NUFIP1: variants seen among roughly 807,000 people sequenced by gnomAD.
The protein encoded by NUFIP1 is nuclear FMR1 interacting protein 1.
A neutral mutation model predicts 56.2 loss-of-function variants in NUFIP1; 38 were observed. That is an observed-to-expected ratio of 0.68 (90% CI 0.52 to 0.89). NUFIP1 has a LOEUF of 0.89. NUFIP1 is among the 40% of genes least tolerant of loss of function. The pLI, the probability that NUFIP1 is intolerant of heterozygous loss-of-function variation, is 0.00. For synonymous variants in NUFIP1, 215 were observed against 212.4 expected (o/e 1.01, Z -0.10); for missense variants, 567 against 605.8 (o/e 0.94, Z 0.67).
chr13:44,949,235 T>C (rs1871000379), intron 8 of NUFIP1, among the ~76,000 whole-genome samples: 1 of 122,736 alleles, frequency 8.1e-6, no homozygotes. Context: ...GGAGTCTCGC[T>C]CTGTCGCCCA....
chr13:44,967,145 TAAAGA>T lies in NUFIP1; in HGVS notation c.735-1214_735-1210del, dbSNP rs577002985. ...GACTATATCTAATTGGAAAAATCCA[TAAAGA>T]AAAGAAATGAAAGAAATTGGTCTTA... On this transcript the variant is annotated intron_variant, in intron 5 of 9. Transcript: ENST00000379161. Among the ~76,000 whole-genome samples, 641 of 151,722 alleles carry T rather than the reference TAAAGA, an allele frequency of 4.2e-3. 3 individuals carry two copies. The highest frequency in any genetic ancestry group is 0.014 in the African/African-American group (590 of 41,396).
chr13:44,966,217 G>A (rs2137910082), intron 5 of NUFIP1, among the ~76,000 whole-genome samples: 1 of 152,228 alleles, frequency 6.6e-6, no homozygotes, highest in Non-Finnish European at 1.5e-5. Flanking sequence ...TGCTCAAACT[G>A]ATTTAATTCA....
chr13:44,988,878 G>C, intron 1 of NUFIP1, 147 bp downstream of exon 1: 1 of 722,654 alleles, frequency 1.4e-6, no homozygotes, highest in Non-Finnish European at 2.2e-6. Context: ...TTGTAGAGAC[G>C]GGGGTCTCAC....
intron 6 of NUFIP1, among the ~76,000 whole-genome samples, chr13:44,965,334 G>A (rs1426101724): frequency 1.3e-5 from 2 of 152,312 alleles, no homozygotes; most frequent in East Asian, 3.9e-4. Flanking sequence ...TCTCGGGTAT[G>A]TCTTTATCAG....
rs180861365 is a variant in NUFIP1 at position 44,987,594 on chromosome 13, T to C, written c.412+1431A>G. On this transcript the variant is annotated intron_variant, in intron 1 of 9. Transcript: ENST00000379161. ...ATGCAACGGAAAACCAAAAAAAAAA[T>C]AATTGTGTGACTTGCTTTACTGCAG... is the stretch of plus-strand genomic sequence containing the variant. Among the ~76,000 whole-genome samples, 194 of 151,782 alleles carry C rather than the reference T, an allele frequency of 1.3e-3. 1 individual carries two copies. The highest frequency in any genetic ancestry group is 3.9e-3 in the Admixed American group (60 of 15,236).
intron 9 of NUFIP1, 72 bp downstream of exon 9, chr13:44,943,369 CA>C: frequency 1.6e-6 from 2 of 1,277,012 alleles, no homozygotes; most frequent in Non-Finnish European, 2.2e-6. Context: ...CACACACACA[CA>C]CACACACCCC....
chr13:44,980,595 G>T, intron 3 of NUFIP1, 127 bp downstream of exon 3: 2 of 703,408 alleles, frequency 2.8e-6, no homozygotes, highest in Non-Finnish European at 4.7e-6. Context: ...TATCTGTCAA[G>T]TTGTCAAACT....
chr13:44,948,814 A>T (rs935431007), intron 8 of NUFIP1, among the ~76,000 whole-genome samples: 2 of 152,242 alleles, frequency 1.3e-5, no homozygotes, highest in Admixed American at 6.5e-5. Context: ...ACCATCCGTA[A>T]CATCATCTTT....
chr13:44,941,914 C>CT (rs200139296), intron 9 of NUFIP1, among the ~76,000 whole-genome samples: 5,270 of 146,830 alleles, frequency 0.036, 127 homozygotes, highest in East Asian at 0.12. Context: ...GTCTGCGATT[C>CT]TTTTTTTTTT....
intron 1 of NUFIP1, among the ~76,000 whole-genome samples, chr13:44,984,917 T>C (rs1366789150): frequency 6.6e-6 from 1 of 152,138 alleles, no homozygotes; most frequent in African/African-American, 2.4e-5. Flanking sequence ...TGTCCATGTG[T>C]TCTCATTGTT....
intron 5 of NUFIP1, among the ~76,000 whole-genome samples, chr13:44,970,099 T>C (rs1871750873): frequency 1.3e-5 from 2 of 152,224 alleles, no homozygotes; most frequent in African/African-American, 2.4e-5. Flanking sequence ...AATGTTCCAC[T>C]GTTTCTATAA....
In NUFIP1 at chr13:44,940,550, T is replaced by C. The variant is rs577220674; in HGVS notation, c.*656A>G. On this transcript the variant is annotated 3_prime_UTR_variant, in exon 10 of 10. Transcript: ENST00000379161. ...ATTATAGGAGACAAAAAGATCTCAATAGCTTTCATTTACTTTACAATTTTT... is the reference window on the plus strand; with the variant it reads ...ATTATAGGAGACAAAAAGATCTCAACAGCTTTCATTTACTTTACAATTTTT... 1.3e-5 allele frequency: 2 copies of C among 152,248 alleles called. No homozygotes were observed. The highest frequency in any genetic ancestry group is 1.3e-4 in the Admixed American group (2 of 15,282). The allele number at this position is 152,248 out of a possible 1,614,324, so 9.4% of individuals were successfully genotyped here. A position where few individuals can be genotyped will look rare whatever the true frequency, so the allele number is the denominator to read the frequency against.
At chr13:44,978,628 G>A (rs1399498264) in intron 5 of NUFIP1, among the ~76,000 whole-genome samples, 6 of 152,232 alleles carry the variant, frequency 3.9e-5, no homozygotes, top group African/African-American at 1.4e-4. Flanking sequence ...TTTAATCATA[G>A]GAATGAATTC....
At chr13:44,953,886 CTT>C (rs1871150994) in intron 7 of NUFIP1, among the ~76,000 whole-genome samples, 1 of 152,188 alleles carries the variant, frequency 6.6e-6, no homozygotes, top group Non-Finnish European at 1.5e-5. Context: ...ATAAACAACT[CTT>C]TCCCTATTTT....
intron 7 of NUFIP1, among the ~76,000 whole-genome samples, chr13:44,953,062 T>C (rs1014750083): frequency 1.1e-4 from 16 of 152,182 alleles, no homozygotes; most frequent in African/African-American, 3.9e-4. Context: ...GTAGGACTTA[T>C]TACTGGCAAT....
chr13:44,963,064 T>TC (rs1475513191), intron 6 of NUFIP1, among the ~76,000 whole-genome samples: 2 of 151,162 alleles, frequency 1.3e-5, no homozygotes, highest in African/African-American at 2.4e-5. Flanking sequence ...CTTATCAATC[T>TC]CCCCCATCCC....
intron 5 of NUFIP1, among the ~76,000 whole-genome samples, chr13:44,970,140 C>T (rs998040435): frequency 7.2e-5 from 11 of 152,222 alleles, no homozygotes; most frequent in Non-Finnish European, 1.2e-4. Context: ...CAAACCTCTA[C>T]CACTCATTTT....
rs951614185 is a variant in NUFIP1, at chr13:44,989,166, G to A, written c.271C>T (p.Pro91Ser). Residue 91 changes from proline (P) to serine (S), a missense_variant, in exon 1 of 10, where the codon CCC (proline) becomes TCC (serine). Transcript: ENST00000379161. The part of the protein sequence containing the change: ...FDAQILPGAQ[P>S]PFDAQSPLDS... Reference sequence around the variant, plus strand: ...AGGGGAGACTGGGCGTCGAAGGGGGGTTGCGCCCCGGGAAGAATCTGGGCG... The same window carrying A: ...AGGGGAGACTGGGCGTCGAAGGGGGATTGCGCCCCGGGAAGAATCTGGGCG... The A allele has an allele frequency of 1.9e-6, 3 of 1,613,380 alleles. No individual in the cohort carries two copies. The highest frequency in any genetic ancestry group is 1.3e-5 in the African/African-American group (1 of 74,880).
In NUFIP1 at chr13:44,949,712, C is replaced by T; in HGVS notation, c.1138+10G>A. On this transcript the variant is annotated intron_variant, in intron 8 of 9. Coordinates refer to ENST00000379161, the MANE Select transcript of NUFIP1 (RefSeq NM_012345.3). ...AACAAAACCCTGTAACAACACACACCATGACTTACCTTCTGGCTCACTCTC... is the reference window on the plus strand; with the variant it reads ...AACAAAACCCTGTAACAACACACACTATGACTTACCTTCTGGCTCACTCTC... The T allele has an allele frequency of 6.4e-7, 1 of 1,562,854 alleles. No individual in the cohort carries two copies. The highest frequency in any genetic ancestry group is 8.7e-7 in the Non-Finnish European group (1 of 1,145,244).
Sources: allele counts gnomAD v4.1 joint callset (sites outside exome capture counted in the v4.1 genomes callset), GRCh38; gene constraint gnomAD v4.1.1; transcripts MANE v1.5; gene names NCBI Gene and HGNC (gene_info 2026-07-23, HGNC 2026-07-21).